Variants in NBAS observed in about 807,000 individuals in gnomAD.
The protein encoded by NBAS is NBAS subunit of NRZ tethering complex, also known as NAG/BC035112 fusion.
In NBAS, 219 loss-of-function variants were observed where a neutral mutation model predicts 302.5. The ratio of observed to expected loss-of-function variants is 0.72; its 90% confidence interval spans 0.65 to 0.81. The LOEUF (loss-of-function observed/expected upper bound fraction) is 0.81, where lower values mean the gene tolerates loss of function less well. NBAS is among the 30% of genes least tolerant of loss of function. The pLI, the probability that NBAS is intolerant of heterozygous loss-of-function variation, is 0.00. For synonymous variants in NBAS, 1,118 were observed against 1,021.6 expected, an observed-to-expected ratio of 1.09 and a Z score of -1.80; for missense variants, 2,932 against 2,841.6, an observed-to-expected ratio of 1.03 and a Z score of -0.72.
intron 42 of NBAS, among the ~76,000 whole-genome samples, chr2:15,277,488 A>G (rs1441079965): frequency 1.3e-5 from 2 of 152,244 alleles, no homozygotes; most frequent in Non-Finnish European, 2.9e-5. Context: ...ACTTCTTCAC[A>G]GAAACATAAA....
intron 16 of NBAS, among the ~76,000 whole-genome samples, chr2:15,469,578 G>A (rs1027872388): frequency 5.3e-5 from 8 of 152,046 alleles, no homozygotes; most frequent in African/African-American, 1.4e-4. Context: ...CAAAGACTTG[G>A]AACCAACCCA....
At chr2:15,272,306 G>T (rs1483115381) in intron 44 of NBAS, among the ~76,000 whole-genome samples, 1 of 152,130 alleles carries the variant, frequency 6.6e-6, no homozygotes, top group Admixed American at 6.5e-5. Flanking sequence ...TTTGAAAACT[G>T]CACACTGTGT....
At chr2:15,042,528 G>A in the NBAS span, among the ~76,000 whole-genome samples, 92 of 152,210 alleles carry the variant, frequency 6.0e-4, no homozygotes, top group Admixed American at 1.5e-3. Context: ...AAGGGCTTAG[G>A]TAGAAATTCA....
Position 15,534,564 on chromosome 2 carries a change from G to A in NBAS, c.725C>T (p.Ala242Val). 2 of 1,611,884 alleles carry A rather than the reference G, an allele frequency of 1.2e-6. No homozygotes were observed. The highest frequency in any genetic ancestry group is 1.7e-6 in the Non-Finnish European group (2 of 1,177,912). ...SSHYPHGINT[A>V]IYHPGHRLLL... ...TTACCTGTGACCAGGGTGGTAAATA[G>A]CTGTGTTGATTCCATGAGGATAATG... The change falls in exon 9 of 52, where the codon GCT becomes GTT. Residue 242 changes from alanine (A) to valine (V), a missense_variant. Coordinates refer to ENST00000281513, the MANE Select transcript of NBAS (RefSeq NM_015909.4).
chr2:15,429,089 T>G (rs977087638), intron 21 of NBAS, among the ~76,000 whole-genome samples: 2 of 148,708 alleles, frequency 1.3e-5, no homozygotes, highest in Non-Finnish European at 3.0e-5. Context: ...AAACACAGTA[T>G]GGTAATAGAG....
At chr2:15,119,884 C>T in the NBAS span, among the ~76,000 whole-genome samples, 1 of 152,286 alleles carries the variant, frequency 6.6e-6, no homozygotes, top group Non-Finnish European at 1.5e-5. Context: ...GTAGGAATTG[C>T]TGCTCCTTTT....
chr2:15,471,830 A>G (rs976215366), intron 16 of NBAS, among the ~76,000 whole-genome samples: 2 of 152,194 alleles, frequency 1.3e-5, no homozygotes, highest in Non-Finnish European at 2.9e-5. Flanking sequence ...AAAGAAATCC[A>G]TCTGCAAACC....
chr2:14,873,019 A>C, the NBAS span, among the ~76,000 whole-genome samples: 1 of 152,328 alleles, frequency 6.6e-6, no homozygotes, highest in Admixed American at 6.5e-5. Flanking sequence ...AAAGAAAAAA[A>C]GTTCCACGTG....
At chr2:14,956,519 C>T in the NBAS span, among the ~76,000 whole-genome samples, 1 of 152,212 alleles carries the variant, frequency 6.6e-6, no homozygotes, top group Non-Finnish European at 1.5e-5. Context: ...GCTATAAGGA[C>T]ATACCCAAGA....
At chr2:15,064,663 C>G in the NBAS span, among the ~76,000 whole-genome samples, 1 of 152,136 alleles carries the variant, frequency 6.6e-6, no homozygotes, top group Non-Finnish European at 1.5e-5. Context: ...AAAATCAATT[C>G]TTCTTAAATT....
chr2:15,453,461 G>C (rs1227110825), intron 21 of NBAS, among the ~76,000 whole-genome samples: 1 of 152,074 alleles, frequency 6.6e-6, no homozygotes, highest in African/African-American at 2.4e-5. Flanking sequence ...GATTAAATTG[G>C]CATCCTATGT....
chr2:15,086,738 C>A, the NBAS span, among the ~76,000 whole-genome samples: 3 of 152,318 alleles, frequency 2.0e-5, no homozygotes, highest in African/African-American at 7.2e-5. Context: ...CAGCTGCCCA[C>A]CCTACTGCAA....
intron 21 of NBAS, among the ~76,000 whole-genome samples, chr2:15,434,860 A>C (rs1277290798): frequency 6.6e-6 from 1 of 152,220 alleles, no homozygotes; most frequent in African/African-American, 2.4e-5. Context: ...CCAAAAGTAC[A>C]TATCTACAAC....
At chr2:15,094,197 C>A in the NBAS span, among the ~76,000 whole-genome samples, 2 of 152,202 alleles carry the variant, frequency 1.3e-5, no homozygotes, top group South Asian at 2.1e-4. Flanking sequence ...CCATTCCAGT[C>A]CAGTCCAGCC....
intron 7 of NBAS, 62 bp from the exon 8 acceptor site, chr2:15,536,613 G>A: frequency 7.1e-7 from 1 of 1,402,748 alleles, no homozygotes; most frequent in Non-Finnish European, 9.9e-7. Context: ...GTTAACACAT[G>A]CATAATTAGA....
intron 44 of NBAS, among the ~76,000 whole-genome samples, chr2:15,238,917 TAA>T (rs1461309794): frequency 3.9e-5 from 6 of 152,292 alleles, no homozygotes; most frequent in Admixed American, 2.6e-4. Context: ...CCAAAGCAGG[TAA>T]AGTGATGAAA....
chr2:15,386,656 CCTA>C (rs1433852366), intron 28 of NBAS, among the ~76,000 whole-genome samples: 1 of 152,140 alleles, frequency 6.6e-6, no homozygotes, highest in African/African-American at 2.4e-5. Context: ...AGCATCTCCA[CCTA>C]CTGTCCGGCA....
intron 12 of NBAS, among the ~76,000 whole-genome samples, chr2:15,480,190 A>T (rs1680370027): frequency 6.6e-6 from 1 of 152,040 alleles, no homozygotes; most frequent in Admixed American, 6.6e-5. Context: ...AAATAAAAAT[A>T]ATTAGCCAGG....
chr2:15,424,672 G>C (rs190603569), intron 22 of NBAS, among the ~76,000 whole-genome samples: 1 of 152,016 alleles, frequency 6.6e-6, no homozygotes, highest in Non-Finnish European at 1.5e-5. Flanking sequence ...TTTTCCCCCC[G>C]TTTTCCCGAT....
Sources: gnomAD v4.1 joint callset for allele counts (sites outside exome capture counted in the v4.1 genomes callset) on GRCh38, gnomAD v4.1.1 for gene constraint, MANE v1.5 for transcripts, NCBI Gene and HGNC (gene_info 2026-07-23, HGNC 2026-07-21) for gene names.